Variants in TTC38 observed in about 807,000 individuals in gnomAD.
TTC38 encodes the protein tetratricopeptide repeat domain 38.
In TTC38, 64 loss-of-function variants were observed where a neutral mutation model predicts 64.2. The observed-to-expected ratio is 1.00, with a 90% CI of 0.81 to 1.23. The LOEUF (loss-of-function observed/expected upper bound fraction) is 1.23. Ranked by LOEUF, TTC38 falls within the 50% of genes most tolerant of loss-of-function variation. TTC38 has a pLI of 0.00. For missense variants in TTC38, 573 were observed against 615.5 expected, an observed-to-expected ratio of 0.93 and a Z score of 0.73; for synonymous variants, 254 against 249.3, an observed-to-expected ratio of 1.02 and a Z score of -0.18.
chr22:46,269,359 T>C (rs1395251456), intron 2 of TTC38: 1 of 189,822 alleles, frequency 5.3e-6, no homozygotes. Flanking sequence ...TCTCTACCAA[T>C]GAAGGGTCCT....
intron 2 of TTC38, 23 bp downstream of exon 2, chr22:46,268,614 C>T (rs767993075): frequency 1.9e-6 from 3 of 1,611,510 alleles, no homozygotes; most frequent in Admixed American, 1.7e-5. Flanking sequence ...AGAGAGGCCG[C>T]GGCCCCTTCT....
intron 6 of TTC38, among the ~76,000 whole-genome samples, chr22:46,280,527 C>T (rs192391093): frequency 2.6e-5 from 4 of 152,374 alleles, no homozygotes; most frequent in South Asian, 2.1e-4. Flanking sequence ...GGTCCCGTCT[C>T]GGGGCCCCAC....
rs1163082443 is a variant in TTC38 at position 46,292,161 on chromosome 22, CTCTTCTT to C, written c.1317-618_1317-612del. ...CCTTTGAGTGCTAATTCTTTCACGT[CTCTTCTT>C]TCTTCTTTCTTTTTAAATTTTTTTA... On this transcript the variant is annotated intron_variant, in intron 13 of 13. Coordinates refer to ENST00000381031, the MANE Select transcript of TTC38 (RefSeq NM_017931.4). The surrounding 1 kb of genome is among the most constrained non-coding windows in gnomAD (Gnocchi z 6.5). The C allele has an allele frequency of 4.7e-6, 2 of 428,802 alleles. No homozygotes were observed. Among genetic ancestry groups the C allele is most frequent in the Admixed American group, 2.7e-5 (1 of 37,476 alleles). The allele number at this position is 428,802 out of a possible 1,614,324, so 26.6% of individuals were successfully genotyped here.
chr22:46,292,904 C>G lies in TTC38; in HGVS notation c.*20C>G, dbSNP rs759350048. ...CAGTGAGCCAGCCTGGCCGCCTCCA[C>G]CCTGCAGAACCTCAGTGGTGGCGTC... On this transcript the variant is annotated 3_prime_UTR_variant, in exon 14 of 14. Transcript: ENST00000381031. The surrounding 1 kb of genome is among the most constrained non-coding windows in gnomAD (Gnocchi z 6.5). The G allele has an allele frequency of 6.3e-7, 1 of 1,589,046 alleles. No individual in the cohort carries two copies. The highest frequency in any genetic ancestry group is 8.6e-7 in the Non-Finnish European group (1 of 1,158,296).
chr22:46,287,335 T>C (rs2077579104), intron 10 of TTC38, among the ~76,000 whole-genome samples, 181 bp downstream of exon 10: 1 of 152,206 alleles, frequency 6.6e-6, no homozygotes, highest in African/African-American at 2.4e-5. Flanking sequence ...GGCCCAAAGC[T>C]GGAGAGGGTG....
chr22:46,292,727 G>T lies in TTC38; in HGVS notation c.1317-64G>T. 1 of 1,445,694 alleles carries T rather than the reference G, an allele frequency of 6.9e-7. No homozygotes were observed. The highest frequency in any genetic ancestry group is 1.1e-5 in the South Asian group (1 of 87,332). 89.6% of individuals were successfully genotyped at this position (1,445,694 alleles called of 1,614,324 possible). On this transcript the variant is annotated intron_variant, in intron 13 of 13. Coordinates refer to ENST00000381031, the MANE Select transcript of TTC38 (RefSeq NM_017931.4). The surrounding 1 kb of genome is among the most constrained non-coding windows in gnomAD (Gnocchi z 6.5). ...CCTGTGTTCTGCCTTGGGACCAAGGGACCACCAGGCCCCACATCCCTCTAG... is the reference window on the plus strand; with the variant it reads ...CCTGTGTTCTGCCTTGGGACCAAGGTACCACCAGGCCCCACATCCCTCTAG...
Position 46,281,974 on chromosome 22 carries a change from C to T in TTC38, c.735+256C>T, listed in dbSNP as rs1200942135. The T allele has an allele frequency of 7.9e-6, 5 of 631,862 alleles. No homozygotes were observed. Among genetic ancestry groups the T allele is most frequent in the African/African-American group, 7.2e-5 (4 of 55,260 alleles). 39.1% of individuals were successfully genotyped at this position (631,862 alleles called of 1,614,324 possible). On this transcript the variant is annotated intron_variant, in intron 7 of 13. Coordinates refer to ENST00000381031, the MANE Select transcript of TTC38 (RefSeq NM_017931.4). The surrounding 1 kb of genome is among the most constrained non-coding windows in gnomAD (Gnocchi z 5.2). ...CCAGACTTCTCTGTCCTTACAGGGC[C>T]TGGTCAGGAGGAGCGAGCAGCCTCT...
chr22:46,292,289 T>C lies in TTC38; in HGVS notation c.1317-502T>C. ...AACTCAAACTCCTGGGCTCAAGGAA[T>C]CTTCCTGCCTCATCCTTCCATCGTG... is the stretch of plus-strand genomic sequence containing the variant. On this transcript the variant is annotated intron_variant, in intron 13 of 13. Coordinates refer to ENST00000381031, the MANE Select transcript of TTC38 (RefSeq NM_017931.4). The surrounding 1 kb of genome is among the most constrained non-coding windows in gnomAD (Gnocchi z 6.5). 4.8e-6 allele frequency: 2 copies of C among 417,442 alleles called. No individual in the cohort carries two copies. Among genetic ancestry groups the C allele is most frequent in the Non-Finnish European group, 9.4e-6 (2 of 212,446 alleles). The allele number at this position is 417,442 out of a possible 1,614,324, so 25.9% of individuals were successfully genotyped here. A position where few individuals can be genotyped will look rare whatever the true frequency, so the allele number is the denominator to read the frequency against.
At position 46,282,284 on chromosome 22, in the gene TTC38, A is replaced by T. The variant is rs1258334846; in HGVS notation, c.735+566A>T. 3.9e-6 allele frequency: 1 copy of T among 257,396 alleles called. No individual in the cohort carries two copies. The highest frequency in any genetic ancestry group is 7.9e-6 in the Non-Finnish European group (1 of 126,700). The allele number at this position is 257,396 out of a possible 1,614,324, so 15.9% of individuals were successfully genotyped here. On this transcript the variant is annotated intron_variant, in intron 7 of 13. Coordinates refer to ENST00000381031, the MANE Select transcript of TTC38 (RefSeq NM_017931.4). The surrounding 1 kb of genome is among the most constrained non-coding windows in gnomAD (Gnocchi z 4.4). ...CTTTGGTGTCCTAGAGCCCAGGTAC[A>T]AGGCGGACATGGGCTGTGCAGGAGG...
rs1357134281 is a variant in TTC38, at chr22:46,292,994, G to T, written c.*110G>T. ...AGACGGCCAGAGCCTGTTTGTTAGG[G>T]CTGTTAGAGGGTGATCTTCAGTTTT... On this transcript the variant is annotated 3_prime_UTR_variant, in exon 14 of 14. Transcript: ENST00000381031. The surrounding 1 kb of genome is among the most constrained non-coding windows in gnomAD (Gnocchi z 6.5). 1.2e-5 allele frequency: 9 copies of T among 772,236 alleles called. No homozygotes were observed. The highest frequency in any genetic ancestry group is 2.0e-5 in the Non-Finnish European group (9 of 452,128). The allele number at this position is 772,236 out of a possible 1,614,324, so 47.8% of individuals were successfully genotyped here. A position where few individuals can be genotyped will look rare whatever the true frequency, so the allele number is the denominator to read the frequency against.
rs369958199 is a variant in TTC38 at position 46,289,398 on chromosome 22, G to A, written c.1083-4G>A. On this transcript the variant is annotated splice_polypyrimidine_tract_variant and splice_region_variant and intron_variant, in intron 11 of 13. Coordinates refer to ENST00000381031, the MANE Select transcript of TTC38 (RefSeq NM_017931.4). ...CAGCTGAGGGCACCGTCTTGGGTTC[G>A]CAGATCCCCAGGGGAGAACTGCCAG... 1.1e-5 allele frequency: 18 copies of A among 1,606,920 alleles called. No individual in the cohort carries two copies. The highest frequency in any genetic ancestry group is 8.4e-5 in the Admixed American group (5 of 59,852).
rs1470112773 is a variant in TTC38 at position 46,291,849 on chromosome 22, G to A, written c.1317-942G>A. On this transcript the variant is annotated intron_variant, in intron 13 of 13. Coordinates refer to ENST00000381031, the MANE Select transcript of TTC38 (RefSeq NM_017931.4). The surrounding 1 kb of genome is among the most constrained non-coding windows in gnomAD (Gnocchi z 4.6). ...TGGGTACCTGTAATCCCGGCTAGTC[G>A]GGAGCCTGAGGCAGGAGAATCGCTT... Among the ~76,000 whole-genome samples, 4 of 152,150 alleles carry A rather than the reference G, an allele frequency of 2.6e-5. No individual in the cohort carries two copies. The highest frequency in any genetic ancestry group is 6.5e-5 in the Admixed American group (1 of 15,276).
In TTC38 at chr22:46,285,240, G is replaced by GGA; in HGVS notation, c.796_797insAG (p.Gly266GlufsTer8). On this transcript the variant is annotated frameshift_variant and splice_region_variant. Coordinates refer to ENST00000381031, the MANE Select transcript of TTC38 (RefSeq NM_017931.4). LOFTEE classifies it high-confidence loss of function. ...TAATAAGGAGAACTTTATTCTTCCA[G>GGA]GGCGAATATGAGGCCGCGCTGACCA... The GGA allele has an allele frequency of 6.2e-7, 1 of 1,614,128 alleles. No individual in the cohort carries two copies. The highest frequency in any genetic ancestry group is 8.5e-7 in the Non-Finnish European group (1 of 1,179,994).
At position 46,290,858 on chromosome 22, in the gene TTC38, C is replaced by T. The variant is rs531934236; in HGVS notation, c.1316+959C>T. Among the ~76,000 whole-genome samples the T allele has an allele frequency of 1.1e-4, 16 of 152,264 alleles. No homozygotes were observed. In the South Asian group the frequency reaches 2.3e-3, roughly 22 times the overall value. On this transcript the variant is annotated intron_variant, in intron 13 of 13. Transcript: ENST00000381031. The stretch of plus-strand genomic sequence containing the variant: ...CAGCTGCGTAGCCCGTGTGCCTGAG[C>T]GGCGAGTTTGACACCTCTCCTTGCC...
rs1179367400 is a variant in TTC38 at position 46,275,398 on chromosome 22, G to A, written c.516G>A (p.Trp172Ter). Reference protein sequence around the residue: ...RDSVARIYPFWTPDIPLSSYV... With the variant: ...RDSVARIYPF The stretch of plus-strand genomic sequence containing the variant: ...CTGTTGCTCGAATTTACCCCTTCTG[G>A]ACACCTGACATCCCCCTAAGCAGGT... Residue 172 changes from tryptophan (W) to a stop codon, truncating the protein, a stop_gained, in exon 5 of 14, where the codon TGG (tryptophan) becomes TGA (stop). Coordinates refer to ENST00000381031, the MANE Select transcript of TTC38 (RefSeq NM_017931.4). LOFTEE classifies it high-confidence loss of function. The surrounding 1 kb of genome is among the most constrained non-coding windows in gnomAD (Gnocchi z 4.5). 1 of 1,613,746 alleles carries A rather than the reference G, an allele frequency of 6.2e-7. No individual in the cohort carries two copies. The highest frequency in any genetic ancestry group is 1.1e-5 in the South Asian group (1 of 91,050).
At position 46,274,146 on chromosome 22, in the gene TTC38, G is replaced by C; in HGVS notation, c.365+77G>C. The stretch of plus-strand genomic sequence containing the variant: ...AGTGGCAGGGTATCCCTTTCCTGAT[G>C]CCCTTGGGACGGGGGCGGGGTGGGA... On this transcript the variant is annotated intron_variant, in intron 4 of 13. Transcript: ENST00000381031. This position sits in a 1 kb window ranked among gnomAD's most constrained non-coding sequence, Gnocchi z 4.8. 1.7e-6 allele frequency: 2 copies of C among 1,209,712 alleles called. No homozygotes were observed. Among genetic ancestry groups the C allele is most frequent in the South Asian group, 1.3e-5 (1 of 77,922 alleles). 74.9% of individuals were successfully genotyped at this position (1,209,712 alleles called of 1,614,324 possible).
At position 46,288,383 on chromosome 22, in the gene TTC38, G is replaced by A. The variant is rs1661721262; in HGVS notation, c.917-40G>A. On this transcript the variant is annotated intron_variant, in intron 10 of 13. Coordinates refer to ENST00000381031, the MANE Select transcript of TTC38 (RefSeq NM_017931.4). ...GCCCTTGCACGGGACATGCCCCAGA[G>A]CCTCACTCCAGGCCCTGGGTCTCCT... The A allele has an allele frequency of 2.5e-6, 4 of 1,593,794 alleles. No individual in the cohort carries two copies. The African/African-American group carries it at 5.4e-5, about 21-fold the overall frequency.
intron 6 of TTC38, 124 bp downstream of exon 6, chr22:46,278,785 G>A (rs1601873977): frequency 2.5e-6 from 2 of 814,470 alleles, no homozygotes; most frequent in East Asian, 4.9e-5. Flanking sequence ...CACTTCCTCA[G>A]AGAGACTGGG....
In TTC38 at chr22:46,281,480, CACTTGCT is replaced by C; in HGVS notation, c.616-118_616-112del. The stretch of plus-strand genomic sequence containing the variant: ...GTTTTGAGTCAGAGCCCCGCCCCCC[CACTTGCT>C]CCACCCCGTTCAGCCCAGGCCCCTC... On this transcript the variant is annotated intron_variant, in intron 6 of 13. Coordinates refer to ENST00000381031, the MANE Select transcript of TTC38 (RefSeq NM_017931.4). This position sits in a 1 kb window ranked among gnomAD's most constrained non-coding sequence, Gnocchi z 5.2. 8.9e-7 allele frequency: 1 copy of C among 1,120,564 alleles called. No homozygotes were observed. The highest frequency in any genetic ancestry group is 1.3e-6 in the Non-Finnish European group (1 of 777,842). The allele number at this position is 1,120,564 out of a possible 1,614,324, so 69.4% of individuals were successfully genotyped here.
Sources: gnomAD v4.1 joint callset for allele counts (sites outside exome capture counted in the v4.1 genomes callset) on GRCh38, gnomAD v4.1.1 for gene constraint, Gnocchi (gnomAD v3.1) non-coding constraint, MANE v1.5 for transcripts, NCBI Gene and HGNC (gene_info 2026-07-23, HGNC 2026-07-21) for gene names.